Variants in ZNF821 observed in about 807,000 individuals in gnomAD.
ZNF821 encodes the protein zinc finger protein 821.
In ZNF821, 16 loss-of-function variants were observed where a neutral mutation model predicts 44.3. The ratio of observed to expected loss-of-function variants is 0.36; its 90% CI spans 0.24 to 0.55. The LOEUF is 0.55. ZNF821 is among the 20% of genes least tolerant of loss of function. The pLI is 0.86. For synonymous variants in ZNF821, 204 were observed against 197.6 expected (o/e 1.03, Z -0.27); for missense variants, 436 against 547.6 (o/e 0.80, Z 2.03).
intron 1 of ZNF821, chr16:71,890,572 A>T (rs2036879776): frequency 6.6e-6 from 1 of 151,584 alleles, no homozygotes; most frequent in Non-Finnish European, 1.5e-5. Context: ...TTTTTAATAG[A>T]GACAGATTTT....
chr16:71,894,666 C>A, intron 1 of ZNF821: 2 of 562,500 alleles, frequency 3.6e-6, no homozygotes, highest in Non-Finnish European at 6.3e-6. Context: ...GCTGAGACCA[C>A]AAGTGCTCAC....
At chr16:71,881,498 T>C (rs1243576684) in intron 2 of ZNF821, 1 of 152,240 alleles carries the variant, frequency 6.6e-6, no homozygotes, top group Non-Finnish European at 1.5e-5. Context: ...ATTTAAACTA[T>C]TTAGAGGGCA....
intron 4 of ZNF821, among the ~76,000 whole-genome samples, chr16:71,866,051 CA>C (rs1387752772): frequency 6.6e-6 from 1 of 152,152 alleles, no homozygotes; most frequent in African/African-American, 2.4e-5. Flanking sequence ...TTGAAGATCA[CA>C]AGAAGTAGCC....
In ZNF821 at chr16:71,864,736, G is replaced by A. The variant is rs1280739251; in HGVS notation, c.312+167C>T. The A allele has an allele frequency of 2.5e-5, 19 of 767,450 alleles. No individual in the cohort carries two copies. The Middle Eastern group carries it at 1.6e-3, about 64-fold the overall frequency. 47.5% of individuals were successfully genotyped at this position (767,450 alleles called of 1,614,324 possible). A position where few individuals can be genotyped will look rare whatever the true frequency, so the allele number is the denominator to read the frequency against. On this transcript the variant is annotated intron_variant, in intron 5 of 7. Coordinates refer to ENST00000425432, the MANE Select transcript of ZNF821 (RefSeq NM_001201552.2). Reference sequence around the variant, plus strand: ...GGAAAAGGAAAACTGAGTGTGGCGAGAACTGAGAGTCTGAGGTGTGGGTTC... The same window carrying A: ...GGAAAAGGAAAACTGAGTGTGGCGAAAACTGAGAGTCTGAGGTGTGGGTTC...
upstream of ZNF821, among the ~76,000 whole-genome samples, chr16:71,886,659 A>T (rs1334337155): frequency 1.3e-5 from 2 of 152,352 alleles, no homozygotes; most frequent in Non-Finnish European, 2.9e-5. Flanking sequence ...ACATTTTTTT[A>T]AATTAAGGTA....
chr16:71,893,524 A>G (rs2036905029), intron 1 of ZNF821, among the ~76,000 whole-genome samples: 1 of 150,880 alleles, frequency 6.6e-6, no homozygotes, highest in Admixed American at 6.6e-5. Flanking sequence ...CAGTGGCACA[A>G]TCTCACATCA....
chr16:71,862,860 T>C (rs2034067094), intron 6 of ZNF821, among the ~76,000 whole-genome samples: 1 of 152,170 alleles, frequency 6.6e-6, no homozygotes, highest in African/African-American at 2.4e-5. Context: ...TCGGATCCCC[T>C]GGTTCACACT....
chr16:71,863,010 C>T (rs1439052128), intron 6 of ZNF821, among the ~76,000 whole-genome samples: 2 of 152,170 alleles, frequency 1.3e-5, no homozygotes, highest in African/African-American at 4.8e-5. Context: ...TCTCCTGCCT[C>T]AGCTTCCCGA....
chr16:71,889,191 T>C (rs930869115), upstream of ZNF821, among the ~76,000 whole-genome samples: 18 of 152,154 alleles, frequency 1.2e-4, no homozygotes, highest in Admixed American at 3.9e-4. Context: ...GGAGCTGTGA[T>C]AGTACCCTTG....
intron 3 of ZNF821, among the ~76,000 whole-genome samples, chr16:71,877,305 G>C (rs1196705216): frequency 5.3e-5 from 8 of 152,140 alleles, no homozygotes; most frequent in Admixed American, 2.0e-4. Flanking sequence ...CTGGCACCCA[G>C]ACTGGAGTGC....
intron 2 of ZNF821, 72 bp from the exon 3 acceptor site, chr16:71,880,095 G>A (rs1414769749): frequency 2.9e-6 from 2 of 688,600 alleles, no homozygotes; most frequent in African/African-American, 3.7e-5. Context: ...AAGATAAAAT[G>A]TCCTTAAAAA....
chr16:71,868,914 G>A (rs1278119680), intron 3 of ZNF821, among the ~76,000 whole-genome samples: 3 of 151,926 alleles, frequency 2.0e-5, no homozygotes, highest in African/African-American at 4.8e-5. Flanking sequence ...CGCCCGCCTC[G>A]GCCTCCCAAA....
intron 3 of ZNF821, among the ~76,000 whole-genome samples, chr16:71,872,691 C>T (rs1213367593): frequency 6.6e-6 from 1 of 152,204 alleles, no homozygotes; most frequent in Non-Finnish European, 1.5e-5. Flanking sequence ...CTTAGGATTC[C>T]ATCTCTAGCT....
chr16:71,878,056 T>C (rs1440455782), intron 3 of ZNF821, among the ~76,000 whole-genome samples: 1 of 149,566 alleles, frequency 6.7e-6, no homozygotes, highest in Non-Finnish European at 1.5e-5. Flanking sequence ...CTCTGAATTC[T>C]CTTCAAATGT....
chr16:71,891,984 A>G (rs1202635103), intron 1 of ZNF821, among the ~76,000 whole-genome samples: 1 of 113,516 alleles, frequency 8.8e-6, no homozygotes, highest in East Asian at 2.7e-4. Context: ...CGACAGAGAG[A>G]GACTCCGTCT....
chr16:71,874,811 C>T (rs9936609), intron 3 of ZNF821, among the ~76,000 whole-genome samples: 1 of 152,284 alleles, frequency 6.6e-6, no homozygotes, highest in Non-Finnish European at 1.5e-5. Flanking sequence ...TTAGTTGGTT[C>T]TATTTCACTG....
At chr16:71,893,693 A>C (rs1052055667) in intron 1 of ZNF821, among the ~76,000 whole-genome samples, 6 of 148,750 alleles carry the variant, frequency 4.0e-5, no homozygotes, top group Non-Finnish European at 9.0e-5. Flanking sequence ...TTCTTACCTC[A>C]GGTGATCCAC....
chr16:71,893,039 T>TC (rs1343088661), intron 1 of ZNF821, among the ~76,000 whole-genome samples: 1 of 125,600 alleles, frequency 8.0e-6, no homozygotes, highest in Non-Finnish European at 1.7e-5. Context: ...CTTTTTTTTT[T>TC]TTTTTTTTGA....
exon 1 of ZNF821, chr16:71,894,901 G>C (rs748408385): frequency 8.2e-6 from 11 of 1,340,812 alleles, no homozygotes; most frequent in Non-Finnish European, 1.0e-5. Flanking sequence ...AGATAAATTA[G>C]GGAAATCGCC....
Sources: allele counts gnomAD v4.1 joint callset (sites outside exome capture counted in the v4.1 genomes callset), GRCh38; gene constraint gnomAD v4.1.1; transcripts MANE v1.5; gene names NCBI Gene and HGNC (gene_info 2026-07-23, HGNC 2026-07-21).